Variants in SLC28A3 observed in about 807,000 individuals in gnomAD.
The protein encoded by SLC28A3 is concentrative Na(+)-nucleoside cotransporter 3.
Under a neutral mutation model 84.2 loss-of-function variants are expected in SLC28A3, and 68 were observed. That is an observed-to-expected ratio of 0.81 (90% CI 0.66 to 0.99). The LOEUF is 0.99. Ranked by LOEUF, SLC28A3 falls within the 50% of genes least tolerant of loss-of-function variation. The pLI is 0.00. For missense variants in SLC28A3, 712 were observed against 841.5 expected (o/e 0.85, Z 1.90); for synonymous variants, 267 against 303.6 (o/e 0.88, Z 1.25).
chr9:84,327,361 GAAA>G (rs11404370), intron 1 of SLC28A3, among the ~76,000 whole-genome samples: 2 of 127,652 alleles, frequency 1.6e-5, no homozygotes, highest in African/African-American at 2.9e-5. Flanking sequence ...TCAGAACACC[GAAA>G]AAAAAAAAAA....
In SLC28A3 at chr9:84,302,268, T is replaced by C. The variant is rs907121992; in HGVS notation, c.456A>G (p.Glu152=). 6.2e-7 allele frequency: 1 copy of C among 1,614,028 alleles called. No homozygotes were observed. The highest frequency in any genetic ancestry group is 1.3e-5 in the African/African-American group (1 of 74,914). ...VVWDHLMAKY[E]HRIDEMLSPG... Reference sequence around the variant, plus strand: ...GAGACAGCATCTCATCAATTCGATGTTCGTATTTGGCCATCAGGTGATCCC... The same window carrying C: ...GAGACAGCATCTCATCAATTCGATGCTCGTATTTGGCCATCAGGTGATCCC... The change falls in exon 5 of 18, where the codon GAA becomes GAG. Residue 152 remains glutamate, a synonymous_variant. Transcript: ENST00000376238.
chr9:84,335,199 G>C (rs1344738701), intron 1 of SLC28A3, among the ~76,000 whole-genome samples: 1 of 152,116 alleles, frequency 6.6e-6, no homozygotes, highest in Non-Finnish European at 1.5e-5. Flanking sequence ...AGGCCTCAAA[G>C]AGAACTCACT....
In SLC28A3 at chr9:84,310,551, C is replaced by T. The variant is rs915878482; in HGVS notation, c.157-837G>A. ...AGAAGTATAATGTCAAATCTCAGCA[C>T]TTGTCTTCTGTCATATCCAATGTGG... On this transcript the variant is annotated intron_variant, in intron 2 of 17. Transcript: ENST00000376238. The T allele has an allele frequency of 1.0e-5, 10 of 985,312 alleles. No individual in the cohort carries two copies. The African/African-American group carries it at 1.6e-4, about 15-fold the overall frequency. The allele number at this position is 985,312 out of a possible 1,614,324, so 61.0% of individuals were successfully genotyped here. A position where few individuals can be genotyped will look rare whatever the true frequency, so the allele number is the denominator to read the frequency against.
chr9:84,275,862 T>C lies in SLC28A3; in HGVS notation c.*2356A>G, dbSNP rs1480626590. 1.3e-5 allele frequency: 2 copies of C among 152,204 alleles called. No individual in the cohort carries two copies. Among genetic ancestry groups the C allele is most frequent in the South Asian group, 2.1e-4 (1 of 4,828 alleles). The allele number at this position is 152,204 out of a possible 1,614,324, so 9.4% of individuals were successfully genotyped here. A position where few individuals can be genotyped will look rare whatever the true frequency, so the allele number is the denominator to read the frequency against. On this transcript the variant is annotated 3_prime_UTR_variant, in exon 18 of 18. Transcript: ENST00000376238. ...AATCAACGTAGGACCTATGTGAACA[T>C]GTTGCATTTATAAAGAAATGTCACA...
chr9:84,359,497 A>G, the SLC28A3 span, among the ~76,000 whole-genome samples: 1 of 152,344 alleles, frequency 6.6e-6, no homozygotes, highest in East Asian at 1.9e-4. Flanking sequence ...GAACTGACAC[A>G]AAAGTATTTT....
At position 84,286,106 on chromosome 9, in the gene SLC28A3, G is replaced by A. The variant is rs768571830; in HGVS notation, c.1286C>T (p.Ser429Leu). The A allele has an allele frequency of 6.2e-7, 1 of 1,613,292 alleles. No individual in the cohort carries two copies. Among genetic ancestry groups the A allele is most frequent in the East Asian group, 2.2e-5 (1 of 44,868 alleles). ...TGTTGCAGCTTCTAGAAGATTCCCT[G>A]AATCACTTTATCAAGAAATAGCAAT... Reference protein sequence around the residue: ...KNAMKMESGDSGNLLEAATQG... With the variant: ...KNAMKMESGDLGNLLEAATQG... The change falls in exon 13 of 18, where the codon TCA (serine) becomes TTA (leucine). Residue 429 changes from serine to leucine, a missense_variant. Transcript: ENST00000376238.
intron 1 of SLC28A3, among the ~76,000 whole-genome samples, chr9:84,317,479 C>A (rs1306820422): frequency 6.6e-6 from 1 of 152,128 alleles, no homozygotes; most frequent in Non-Finnish European, 1.5e-5. Flanking sequence ...GGGACTCCTG[C>A]CTCTGTGGAC....
chr9:84,339,650 A>G (rs987855372), intron 1 of SLC28A3, among the ~76,000 whole-genome samples: 4 of 152,280 alleles, frequency 2.6e-5, no homozygotes, highest in Admixed American at 1.3e-4. Flanking sequence ...TCAACCTAAG[A>G]GGGTAGATGA....
At chr9:84,330,692 T>A (rs1826749519) in intron 1 of SLC28A3, among the ~76,000 whole-genome samples, 1 of 152,232 alleles carries the variant, frequency 6.6e-6, no homozygotes, top group Admixed American at 6.5e-5. Flanking sequence ...GATAAAAATG[T>A]AGCATTAGAG....
At chr9:84,310,471 C>T (rs1218865029) in intron 2 of SLC28A3, 2 of 985,274 alleles carry the variant, frequency 2.0e-6, no homozygotes, top group African/African-American at 1.7e-5. Context: ...ACCAATGGTA[C>T]AGAAGCTGGT....
the SLC28A3 span, among the ~76,000 whole-genome samples, chr9:84,354,186 G>C: frequency 6.6e-6 from 1 of 152,162 alleles, no homozygotes; most frequent in Non-Finnish European, 1.5e-5. Flanking sequence ...CTTTCTCTTT[G>C]CTCAGATCTT....
intron 14 of SLC28A3, among the ~76,000 whole-genome samples, chr9:84,283,425 T>C (rs1334952422): frequency 6.6e-6 from 1 of 152,188 alleles, no homozygotes; most frequent in African/African-American, 2.4e-5. Flanking sequence ...CGGTGTGCTA[T>C]ACAATAGAAT....
At chr9:84,357,166 T>C in the SLC28A3 span, among the ~76,000 whole-genome samples, 1 of 152,050 alleles carries the variant, frequency 6.6e-6, no homozygotes, top group Non-Finnish European at 1.5e-5. Flanking sequence ...TGGGTAGGGG[T>C]TTAATAGATA....
At chr9:84,288,278 G>A (rs1380020962) in intron 11 of SLC28A3, 100 bp from the exon 12 acceptor site, 6 of 1,514,802 alleles carry the variant, frequency 4.0e-6, no homozygotes, top group South Asian at 2.4e-5. Flanking sequence ...CAGGGCAGGG[G>A]TTGTTTCTAT....
At chr9:84,360,448 G>A in the SLC28A3 span, among the ~76,000 whole-genome samples, 1 of 152,176 alleles carries the variant, frequency 6.6e-6, no homozygotes, top group East Asian at 1.9e-4. Flanking sequence ...AGATGTTTGA[G>A]GTTCTCATGG....
chr9:84,340,818 G>T, upstream of SLC28A3: 23 of 549,258 alleles, frequency 4.2e-5, no homozygotes, highest in East Asian at 9.4e-5. Context: ...GGGTGGGGCA[G>T]AGAGGCGGGC....
chr9:84,363,724 T>C, the SLC28A3 span, among the ~76,000 whole-genome samples: 1 of 152,178 alleles, frequency 6.6e-6, no homozygotes, highest in Admixed American at 6.5e-5. Flanking sequence ...CATGTCCCAC[T>C]GTGTTTCCAA....
At chr9:84,286,596 T>C (rs1254799563) in intron 12 of SLC28A3, among the ~76,000 whole-genome samples, 2 of 152,028 alleles carry the variant, frequency 1.3e-5, no homozygotes, top group African/African-American at 4.8e-5. Context: ...ACATTTATAA[T>C]AAAAAATTGG....
chr9:84,310,383 T>C (rs1330697810), intron 2 of SLC28A3: 2 of 984,536 alleles, frequency 2.0e-6, no homozygotes, highest in African/African-American at 1.7e-5. Flanking sequence ...TGACCCATCC[T>C]ATTTCCAGGA....
Sources: gnomAD v4.1 joint callset for allele counts (sites outside exome capture counted in the v4.1 genomes callset) on GRCh38, gnomAD v4.1.1 for gene constraint, MANE v1.5 for transcripts, NCBI Gene and HGNC (gene_info 2026-07-23, HGNC 2026-07-21) for gene names.